KMT2C: variants seen among roughly 807,000 people sequenced by gnomAD.
The protein encoded by KMT2C is lysine methyltransferase 2C.
Under a neutral mutation model 507.9 loss-of-function variants are expected in KMT2C, and 88 were observed. The ratio of observed to expected loss-of-function variants is 0.17; its 90% CI spans 0.15 to 0.21. The LOEUF is 0.21. KMT2C is among the 10% of genes least tolerant of loss of function. The probability of loss-of-function intolerance (pLI) is 1.00; values close to 1 mark genes in which losing one functional copy is unlikely to be tolerated. For synonymous variants in KMT2C, 2,049 were observed against 2,080.8 expected (o/e 0.98, Z 0.42); for missense variants, 4,954 against 5,957.8 (o/e 0.83, Z 5.55).
intron 23 of KMT2C, among the ~76,000 whole-genome samples, chr7:152,213,749 AT>A (rs976008827): frequency 3.3e-5 from 5 of 151,242 alleles, no homozygotes; most frequent in African/African-American, 7.3e-5. Flanking sequence ...CTGCATAGCA[AT>A]AAAAAAAAAA....
chr7:152,378,754 C>T (rs2097348133), intron 1 of KMT2C, among the ~76,000 whole-genome samples: 1 of 152,102 alleles, frequency 6.6e-6, no homozygotes, highest in Non-Finnish European at 1.5e-5. Context: ...AATTATGAAC[C>T]ATGCAGAGCA....
chr7:152,178,642 T>TAAGGCATAAA (rs1427869601), intron 37 of KMT2C, among the ~76,000 whole-genome samples: 2 of 152,010 alleles, frequency 1.3e-5, no homozygotes, highest in Non-Finnish European at 2.9e-5. Flanking sequence ...GAGGCATAAA[T>TAAGGCATAAA]TATAACAAGG....
intron 3 of KMT2C, among the ~76,000 whole-genome samples, chr7:152,329,302 T>A (rs1378161813): frequency 6.6e-6 from 1 of 152,140 alleles, no homozygotes; most frequent in Non-Finnish European, 1.5e-5. Flanking sequence ...CAGTGGTTCA[T>A]GCTTGCACTT....
chr7:152,354,444 CCT>C (rs1462752586), intron 2 of KMT2C, among the ~76,000 whole-genome samples: 1 of 152,160 alleles, frequency 6.6e-6, no homozygotes, highest in African/African-American at 2.4e-5. Context: ...AGACAAATCC[CCT>C]GACTTCATAA....
chr7:152,241,689 C>A (rs2095389461), intron 14 of KMT2C, among the ~76,000 whole-genome samples: 1 of 152,196 alleles, frequency 6.6e-6, no homozygotes, highest in East Asian at 1.9e-4. Context: ...TAAATTACTT[C>A]TCTCAATATT....
At chr7:152,342,330 A>T (rs574684653) in intron 2 of KMT2C, among the ~76,000 whole-genome samples, 2 of 141,382 alleles carry the variant, frequency 1.4e-5, no homozygotes, top group South Asian at 2.1e-4. Flanking sequence ...TTTAATAAGA[A>T]TTATTATTTA....
intron 3 of KMT2C, among the ~76,000 whole-genome samples, chr7:152,324,936 A>T (rs778237065): frequency 6.6e-6 from 1 of 152,074 alleles, no homozygotes; most frequent in African/African-American, 2.4e-5. Context: ...GTAATCGAGT[A>T]ATGTTTATTG....
intron 40 of KMT2C, among the ~76,000 whole-genome samples, chr7:152,169,589 G>C (rs902646857): frequency 6.6e-6 from 1 of 152,138 alleles, no homozygotes; most frequent in East Asian, 1.9e-4. Context: ...ACTTTTTGAT[G>C]AAGTTTACCT....
intron 9 of KMT2C, among the ~76,000 whole-genome samples, chr7:152,255,144 T>TATATATATAC (rs1361185988): frequency 1.4e-3 from 163 of 120,300 alleles, no homozygotes; most frequent in South Asian, 2.4e-3. Context: ...TATATATATA[T>TATATATATAC]ACATATATAT....
chr7:152,154,370 C>T lies in KMT2C; in HGVS notation c.12036G>A (p.Gly4012=), dbSNP rs1283065657. 6.2e-7 allele frequency: 1 copy of T among 1,614,074 alleles called. No individual in the cohort carries two copies. Among genetic ancestry groups the T allele is most frequent in the Non-Finnish European group, 8.5e-7 (1 of 1,179,998 alleles). The part of the protein sequence containing the change: ...VPSSSPESVV[G]VEVSRYPDLS... Reference sequence around the variant, plus strand: ...GATCTGGATACCTGCTCACTTCTACCCCAACCACACTCTCAGGAGAGGATG... The same window carrying T: ...GATCTGGATACCTGCTCACTTCTACTCCAACCACACTCTCAGGAGAGGATG... The change falls in exon 47 of 59, where the codon GGG becomes GGA. Residue 4012 remains glycine, a synonymous_variant. Coordinates refer to ENST00000262189, the MANE Select transcript of KMT2C (RefSeq NM_170606.3).
At chr7:152,421,952 A>G (rs1450996613) in intron 1 of KMT2C, among the ~76,000 whole-genome samples, 1 of 150,782 alleles carries the variant, frequency 6.6e-6, no homozygotes, top group African/African-American at 2.5e-5. Context: ...TAAAATATGG[A>G]ATGAATGTAG....
At chr7:152,185,482 T>C in intron 34 of KMT2C, 76 bp downstream of exon 34, 1 of 1,132,266 alleles carries the variant, frequency 8.8e-7, no homozygotes, top group Non-Finnish European at 1.3e-6. Flanking sequence ...GAAATTTGTT[T>C]TTTATTAACC....
chr7:152,414,849 T>C (rs79198116), intron 1 of KMT2C, among the ~76,000 whole-genome samples: 1 of 151,958 alleles, frequency 6.6e-6, no homozygotes, highest in Admixed American at 6.6e-5. Context: ...ATACTTTCTT[T>C]CTTTTTTTTT....
chr7:152,337,413 C>CT (rs2096946062), intron 2 of KMT2C, among the ~76,000 whole-genome samples: 1 of 152,194 alleles, frequency 6.6e-6, no homozygotes, highest in South Asian at 2.1e-4. Flanking sequence ...AGATCTAACC[C>CT]TTTCCCTTAA....
At chr7:152,388,940 G>T (rs1468842243) in intron 1 of KMT2C, among the ~76,000 whole-genome samples, 1 of 151,990 alleles carries the variant, frequency 6.6e-6, no homozygotes, top group Non-Finnish European at 1.5e-5. Flanking sequence ...TAGAGACAGG[G>T]TTTCTCCGTG....
At position 152,163,127 on chromosome 7, in the gene KMT2C, G is replaced by C; in HGVS notation, c.10450C>G (p.Gln3484Glu). 6.2e-7 allele frequency: 1 copy of C among 1,614,232 alleles called. No homozygotes were observed. The highest frequency in any genetic ancestry group is 2.2e-5 in the East Asian group (1 of 44,876). Residue 3484 changes from glutamine (Q) to glutamate (E), a missense_variant, in exon 43 of 59, where the codon CAG (glutamine) becomes GAG (glutamate). Gln to Glu is a conservative substitution (Grantham distance 29, BLOSUM62 2). Around this residue, in one of 29 missense-constraint regions of KMT2C, gnomAD observed 801 missense variants for 751.2 expected, o/e 1.07. Transcript: ENST00000262189. ...QHQQQMGQVL[Q>E]QQNIQQGSIN... ...GATCCTTGTTGTATATTCTGCTGCT[G>C]TAAAACCTGCCCCATTTGCTGTTGG...
chr7:152,290,280 ATATATATATATATATTTTTTTTTTTT>A (rs2096398170), intron 6 of KMT2C, among the ~76,000 whole-genome samples: 14 of 31,942 alleles, frequency 4.4e-4, no homozygotes, highest in African/African-American at 1.5e-3. Flanking sequence ...ATATATATAT[ATATATATATATATATTTTTTTTTTTT>A]TTTTTTTTTT....
chr7:152,145,072 G>C, intron 54 of KMT2C, 81 bp downstream of exon 54: 1 of 1,524,370 alleles, frequency 6.6e-7, no homozygotes, highest in Non-Finnish European at 8.9e-7. Flanking sequence ...GGGTTTGTAA[G>C]CAGCAGACAA....
chr7:152,401,309 C>A (rs200209557), intron 1 of KMT2C, among the ~76,000 whole-genome samples: 2 of 150,018 alleles, frequency 1.3e-5, no homozygotes, highest in Non-Finnish European at 3.0e-5. Context: ...CGGCCTCCCG[C>A]CCTCAGGTGA....
Sources: gnomAD v4.1 joint callset for allele counts (sites outside exome capture counted in the v4.1 genomes callset) on GRCh38, gnomAD v4.1.1 for gene constraint, gnomAD v4.1.1 regional missense constraint, MANE v1.5 for transcripts, NCBI Gene and HGNC (gene_info 2026-07-23, HGNC 2026-07-21) for gene names.